GRM7: variants seen among roughly 807,000 people sequenced by gnomAD.
GRM7 encodes the protein metabotropic glutamate receptor 7.
A neutral mutation model predicts 84.5 loss-of-function variants in GRM7; 35 were observed. That is an observed-to-expected ratio of 0.41 (90% CI 0.32 to 0.55). The LOEUF is 0.55. Among genes scored for constraint, GRM7 ranks in the 20% least tolerant of loss-of-function variants. The pLI is 0.19. For missense variants in GRM7, 1,003 were observed against 1,194.6 expected (o/e 0.84, Z 2.36); for synonymous variants, 487 against 455.1 (o/e 1.07, Z -0.89).
intron 8 of GRM7, among the ~76,000 whole-genome samples, chr3:7,677,633 A>T (rs765587113): frequency 6.6e-6 from 1 of 152,216 alleles, no homozygotes; most frequent in Non-Finnish European, 1.5e-5. Context: ...AAATTTTTTA[A>T]ATGAAAATCA....
intron 1 of GRM7, among the ~76,000 whole-genome samples, chr3:6,871,936 C>A (rs1695136015): frequency 1.3e-5 from 2 of 151,888 alleles, no homozygotes; most frequent in Admixed American, 1.3e-4. Context: ...TAAAAAAAAT[C>A]CCCAAACCAT....
chr3:7,386,883 C>A (rs1694806548), intron 4 of GRM7, among the ~76,000 whole-genome samples: 1 of 152,160 alleles, frequency 6.6e-6, no homozygotes, highest in African/African-American at 2.4e-5. Flanking sequence ...ACATTCTCAC[C>A]AATGGTGCGT....
At chr3:7,516,142 C>A (rs1700368211) in intron 7 of GRM7, among the ~76,000 whole-genome samples, 1 of 111,966 alleles carries the variant, frequency 8.9e-6, no homozygotes, top group African/African-American at 3.6e-5. Context: ...CCAGCCTGGG[C>A]AACAGAGTTG....
At chr3:7,144,206 G>A (rs191922963) in intron 1 of GRM7, among the ~76,000 whole-genome samples, 2 of 152,046 alleles carry the variant, frequency 1.3e-5, no homozygotes, top group Non-Finnish European at 2.9e-5. Flanking sequence ...GCAAAGCATC[G>A]TACTTGTGAG....
intron 1 of GRM7, among the ~76,000 whole-genome samples, chr3:6,963,635 A>G (rs1409942988): frequency 6.6e-6 from 1 of 152,166 alleles, no homozygotes; most frequent in Non-Finnish European, 1.5e-5. Flanking sequence ...TTTTATCCCA[A>G]TACATATCAT....
intron 7 of GRM7, among the ~76,000 whole-genome samples, chr3:7,574,204 G>T: frequency 6.8e-6 from 1 of 147,626 alleles, no homozygotes. Flanking sequence ...GTGTTGCCCA[G>T]GCTGGAGTGC....
At chr3:6,957,452 C>G (rs909283082) in intron 1 of GRM7, among the ~76,000 whole-genome samples, 3 of 152,232 alleles carry the variant, frequency 2.0e-5, no homozygotes, top group African/African-American at 7.2e-5. Context: ...TGCATTTGCA[C>G]TCTCAACACT....
chr3:7,076,733 T>C (rs1386740897), intron 1 of GRM7, among the ~76,000 whole-genome samples: 1 of 152,138 alleles, frequency 6.6e-6, no homozygotes, highest in Non-Finnish European at 1.5e-5. Flanking sequence ...ATTAGGTAAA[T>C]ATATCATAAA....
At chr3:7,099,430 G>A (rs181040620) in intron 1 of GRM7, among the ~76,000 whole-genome samples, 51 of 146,196 alleles carry the variant, frequency 3.5e-4, no homozygotes, top group African/African-American at 1.2e-3. Context: ...ATGTATATAC[G>A]TATACATTAT....
chr3:7,279,541 A>G (rs1699184771), intron 2 of GRM7, among the ~76,000 whole-genome samples: 1 of 152,150 alleles, frequency 6.6e-6, no homozygotes, highest in Non-Finnish European at 1.5e-5. Flanking sequence ...AACTGAAGTT[A>G]TAAGGGAGCA....
chr3:7,674,671 G>C (rs972621908), intron 8 of GRM7, among the ~76,000 whole-genome samples: 8 of 152,094 alleles, frequency 5.3e-5, no homozygotes, highest in Admixed American at 2.6e-4. Flanking sequence ...ATTAATTATA[G>C]TCACCATGTT....
chr3:7,060,242 G>A (rs1175686089), intron 1 of GRM7, among the ~76,000 whole-genome samples: 2 of 151,780 alleles, frequency 1.3e-5, no homozygotes, highest in African/African-American at 4.8e-5. Context: ...AAGGAGCCCA[G>A]ATCCTACCGA....
intron 8 of GRM7, among the ~76,000 whole-genome samples, chr3:7,581,629 C>A (rs1211919432): frequency 6.6e-6 from 1 of 152,146 alleles, no homozygotes; most frequent in Non-Finnish European, 1.5e-5. Context: ...AAGCCAGCAA[C>A]CTACAGAATC....
At chr3:7,001,420 A>G (rs6785301) in intron 1 of GRM7, among the ~76,000 whole-genome samples, 37,443 of 152,136 alleles carry the variant, frequency 0.25, 4,858 homozygotes, top group African/African-American at 0.33. Context: ...TTGGTGGGAA[A>G]CATAAATGTT....
At chr3:7,298,518 A>G (rs918344704) in intron 2 of GRM7, 166 bp from the exon 3 acceptor site, 9 of 593,056 alleles carry the variant, frequency 1.5e-5, no homozygotes, top group East Asian at 2.8e-5. Context: ...GGTATGAACA[A>G]CATCTCAGGA....
intron 1 of GRM7, among the ~76,000 whole-genome samples, chr3:6,882,890 C>T (rs1346013627): frequency 2.0e-5 from 3 of 152,116 alleles, no homozygotes; most frequent in African/African-American, 7.2e-5. Flanking sequence ...ATGAGAAAAA[C>T]ATCTTTGTGC....
At chr3:7,399,706 C>T (rs922027230) in intron 4 of GRM7, among the ~76,000 whole-genome samples, 1 of 152,090 alleles carries the variant, frequency 6.6e-6, no homozygotes, top group Non-Finnish European at 1.5e-5. Flanking sequence ...CATTAGTTCC[C>T]TCAGAATTCT....
At chr3:7,526,188 A>G (rs987140460) in intron 7 of GRM7, among the ~76,000 whole-genome samples, 24 of 152,068 alleles carry the variant, frequency 1.6e-4, no homozygotes, top group Admixed American at 2.6e-4. Context: ...TTTCTCTGCA[A>G]TCTTGCCAAC....
chr3:7,520,300 A>C (rs980510727), intron 7 of GRM7: 4 of 152,186 alleles, frequency 2.6e-5, no homozygotes, highest in African/African-American at 4.8e-5. Flanking sequence ...AGGCAGGAAG[A>C]TAAGAAAAAG....
Sources: gnomAD v4.1 joint callset for allele counts (sites outside exome capture counted in the v4.1 genomes callset) on GRCh38, gnomAD v4.1.1 for gene constraint, MANE v1.5 for transcripts, NCBI Gene and HGNC (gene_info 2026-07-23, HGNC 2026-07-21) for gene names.